The following RALYL variants were observed in gnomAD, a reference collection of about 807,000 sequenced individuals.
RALYL encodes RNA-binding Raly-like protein.
In RALYL, 29 loss-of-function variants were observed where a neutral mutation model predicts 35.1. The ratio of observed to expected loss-of-function variants is 0.83; its 90% CI spans 0.61 to 1.13. The LOEUF (loss-of-function observed/expected upper bound fraction) is 1.13. Among genes scored for constraint, RALYL ranks in the 50% most tolerant of loss-of-function variants. The pLI, the probability that RALYL is intolerant of heterozygous loss-of-function variation, is 0.00. For synonymous variants in RALYL, 120 were observed against 127.6 expected (o/e 0.94, Z 0.40); for missense variants, 359 against 360.4 (o/e 1.00, Z 0.03).
chr8:84,696,008 C>A (rs1464618554), intron 2 of RALYL, among the ~76,000 whole-genome samples: 1 of 151,714 alleles, frequency 6.6e-6, no homozygotes, highest in Non-Finnish European at 1.5e-5. Flanking sequence ...GACCACAAAT[C>A]TGCTATGAAC....
At chr8:84,888,329 G>A (rs947930985) in intron 8 of RALYL, among the ~76,000 whole-genome samples, 8 of 152,110 alleles carry the variant, frequency 5.3e-5, no homozygotes, top group African/African-American at 9.7e-5. Flanking sequence ...TTTACAAGTT[G>A]TATTTTCCTA....
intron 2 of RALYL, among the ~76,000 whole-genome samples, chr8:84,742,710 A>G (rs1807660740): frequency 6.6e-6 from 1 of 152,048 alleles, no homozygotes; most frequent in Admixed American, 6.6e-5. Context: ...ATAATGGAAC[A>G]TCCCCCAAGG....
chr8:84,717,018 C>G (rs189180856), intron 2 of RALYL, among the ~76,000 whole-genome samples: 2 of 152,172 alleles, frequency 1.3e-5, no homozygotes, highest in East Asian at 3.9e-4. Context: ...AAAACCCTCT[C>G]TCTACTAAAA....
intron 1 of RALYL, among the ~76,000 whole-genome samples, chr8:84,292,892 G>C (rs953716226): frequency 6.6e-6 from 1 of 151,974 alleles, no homozygotes; most frequent in African/African-American, 2.4e-5. Context: ...CTTTCACTTT[G>C]CACTGCGTAC....
intron 1 of RALYL, among the ~76,000 whole-genome samples, chr8:84,403,078 T>G (rs1263199679): frequency 6.6e-6 from 1 of 152,160 alleles, no homozygotes; most frequent in Non-Finnish European, 1.5e-5. Context: ...ATCAGATGGA[T>G]AGATTGCAAA....
At chr8:84,886,833 C>G (rs966939394) in intron 7 of RALYL, among the ~76,000 whole-genome samples, 1 of 152,190 alleles carries the variant, frequency 6.6e-6, no homozygotes, top group Non-Finnish European at 1.5e-5. Flanking sequence ...AGTCTCTATA[C>G]TAACACTTTG....
In RALYL at chr8:84,243,461, G is replaced by A. The variant is rs568741600; in HGVS notation, c.-24+59037G>A. ...CAATATTGATTTTTCCTATCCATGA[G>A]CATGGAATATTTTTCCGTTTGTTTC... On this transcript the variant is annotated intron_variant, in intron 1 of 8. Transcript: ENST00000521268. Among the ~76,000 whole-genome samples, 9 of 149,718 alleles carry A rather than the reference G, an allele frequency of 6.0e-5. No individual in the cohort carries two copies. In the East Asian group the frequency reaches 7.8e-4, roughly 13 times the overall value.
chr8:84,892,398 T>C (rs1844006276), intron 8 of RALYL, among the ~76,000 whole-genome samples: 1 of 151,886 alleles, frequency 6.6e-6, no homozygotes, highest in Non-Finnish European at 1.5e-5. Flanking sequence ...TTACCTGAGA[T>C]CAAGAATTTG....
intron 1 of RALYL, among the ~76,000 whole-genome samples, chr8:84,203,837 A>G (rs577389616): frequency 1.3e-5 from 2 of 152,188 alleles, no homozygotes; most frequent in Admixed American, 6.5e-5. Context: ...TGCTATTGAC[A>G]TAGTGTTAGT....
At position 84,413,204 on chromosome 8, in the gene RALYL, GA is replaced by G. The variant is rs2044272453; in HGVS notation, c.-23-116094del. Among the ~76,000 whole-genome samples, 8 of 150,964 alleles carry G rather than the reference GA, an allele frequency of 5.3e-5. No individual in the cohort carries two copies. In the South Asian group the frequency reaches 1.7e-3, roughly 31 times the overall value. On this transcript the variant is annotated intron_variant, in intron 1 of 8. Coordinates refer to ENST00000521268, the MANE Select transcript of RALYL (RefSeq NM_173848.7). ...TCTCAAATAAAAATGGTAATTTTAA[GA>G]CCACTGTGATCAAGTTCTGGAAATT...
intron 1 of RALYL, among the ~76,000 whole-genome samples, chr8:84,301,173 G>C (rs1362317712): frequency 2.0e-5 from 3 of 151,888 alleles, no homozygotes; most frequent in Non-Finnish European, 4.4e-5. Context: ...ATCATGGTTG[G>C]AATTTCTTTT....
chr8:84,707,425 AT>A (rs560139418), intron 2 of RALYL, among the ~76,000 whole-genome samples: 1 of 151,800 alleles, frequency 6.6e-6, no homozygotes, highest in African/African-American at 2.4e-5. Context: ...TATATCCCTC[AT>A]TTTTTTTCCT....
chr8:84,439,080 G>T (rs1168044093), intron 1 of RALYL, among the ~76,000 whole-genome samples: 1 of 151,748 alleles, frequency 6.6e-6, no homozygotes, highest in African/African-American at 2.4e-5. Flanking sequence ...GCTCTTTTAT[G>T]TTTCCACGTT....
At chr8:84,248,681 A>G (rs1028973753) in intron 1 of RALYL, among the ~76,000 whole-genome samples, 2 of 152,032 alleles carry the variant, frequency 1.3e-5, no homozygotes, top group African/African-American at 4.8e-5. Context: ...TTCTGATGCT[A>G]TTGGACATTT....
At chr8:84,194,946 A>G (rs190763130) in intron 1 of RALYL, among the ~76,000 whole-genome samples, 26 of 152,260 alleles carry the variant, frequency 1.7e-4, no homozygotes, top group Admixed American at 1.5e-3. Flanking sequence ...TTTGTTCAAC[A>G]GATGGAAAAA....
chr8:84,417,921 A>G (rs960269190), intron 1 of RALYL, among the ~76,000 whole-genome samples: 1 of 152,098 alleles, frequency 6.6e-6, no homozygotes, highest in Non-Finnish European at 1.5e-5. Context: ...TTGCTTCTCT[A>G]TTTGGTTCTT....
At chr8:84,363,612 T>C (rs946773675) in intron 1 of RALYL, among the ~76,000 whole-genome samples, 4 of 152,300 alleles carry the variant, frequency 2.6e-5, no homozygotes, top group Admixed American at 6.5e-5. Flanking sequence ...TTGATATTAT[T>C]CTTATAAGGG....
At chr8:84,722,645 A>ATATG (rs1554546409) in intron 2 of RALYL, among the ~76,000 whole-genome samples, 3 of 138,784 alleles carry the variant, frequency 2.2e-5, no homozygotes, top group African/African-American at 2.7e-5. Flanking sequence ...ATATATATAT[A>ATATG]TATGTATGTA....
intron 8 of RALYL, among the ~76,000 whole-genome samples, chr8:84,898,264 C>T (rs374841407): frequency 1.2e-4 from 18 of 152,154 alleles, no homozygotes; most frequent in Admixed American, 3.9e-4. Flanking sequence ...TGTTTTAACA[C>T]GCATTCTAGG....
Sources: gnomAD v4.1 joint callset for allele counts (sites outside exome capture counted in the v4.1 genomes callset) on GRCh38, gnomAD v4.1.1 for gene constraint, MANE v1.5 for transcripts, NCBI Gene and HGNC (gene_info 2026-07-23, HGNC 2026-07-21) for gene names.